Variants in ARHGAP42 observed in about 807,000 individuals in gnomAD.
ARHGAP42 encodes rho GTPase-activating protein 42.
ARHGAP42 carries 63 observed loss-of-function variants against 125.0 expected under a neutral mutation model. The ratio of observed to expected loss-of-function variants is 0.50; its 90% CI spans 0.41 to 0.62. The LOEUF (loss-of-function observed/expected upper bound fraction) is 0.62. Among genes scored for constraint, ARHGAP42 ranks in the 20% least tolerant of loss-of-function variants. ARHGAP42 has a pLI of 0.00. For missense variants in ARHGAP42, 766 were observed against 1,024.2 expected, an observed-to-expected ratio of 0.75 and a Z score of 3.44; for synonymous variants, 339 against 351.0, an observed-to-expected ratio of 0.97 and a Z score of 0.38.
Position 100,876,993 on chromosome 11 carries a change from G to A in ARHGAP42, c.384+17368G>A, listed in dbSNP as rs1361962984. ...TCTACAATTACTGTAGAAACCCAGTGAGAAGTGAAGTGAGCTCACTGTAGA... is the reference window on the plus strand; with the variant it reads ...TCTACAATTACTGTAGAAACCCAGTAAGAAGTGAAGTGAGCTCACTGTAGA... On this transcript the variant is annotated intron_variant, in intron 4 of 23. Transcript: ENST00000298815. 2.6e-5 allele frequency among the ~76,000 whole-genome samples: 4 copies of A among 152,210 alleles called. No individual in the cohort carries two copies. The East Asian group carries it at 7.7e-4, about 29-fold the overall frequency.
At chr11:100,819,187 G>A (rs759910710) in intron 3 of ARHGAP42, among the ~76,000 whole-genome samples, 2 of 152,096 alleles carry the variant, frequency 1.3e-5, no homozygotes, top group African/African-American at 2.4e-5. Context: ...TATACAGAAC[G>A]GATCAGTTTT....
At chr11:100,745,483 G>A (rs371548096) in intron 1 of ARHGAP42, among the ~76,000 whole-genome samples, 10 of 152,130 alleles carry the variant, frequency 6.6e-5, no homozygotes, top group East Asian at 3.9e-4. Flanking sequence ...CACCTATTAC[G>A]GCTGTGAGGG....
chr11:100,814,644 T>C (rs1468957080), intron 3 of ARHGAP42, among the ~76,000 whole-genome samples: 2 of 152,092 alleles, frequency 1.3e-5, no homozygotes, highest in Non-Finnish European at 2.9e-5. Context: ...AGTAGGAACA[T>C]CTTACATGGC....
At chr11:100,729,434 T>C (rs1861917389) in intron 1 of ARHGAP42, among the ~76,000 whole-genome samples, 1 of 152,156 alleles carries the variant, frequency 6.6e-6, no homozygotes, top group Non-Finnish European at 1.5e-5. Flanking sequence ...GAGATTATGC[T>C]TCTGTTGTGA....
intron 4 of ARHGAP42, among the ~76,000 whole-genome samples, chr11:100,891,571 T>A (rs1023838601): frequency 4.6e-5 from 7 of 151,656 alleles, no homozygotes; most frequent in Admixed American, 2.0e-4. Flanking sequence ...GCCTCCTGAG[T>A]AGCTGGGATT....
At chr11:100,718,123 A>T (rs1246171905) in intron 1 of ARHGAP42, among the ~76,000 whole-genome samples, 1 of 152,200 alleles carries the variant, frequency 6.6e-6, no homozygotes, top group Admixed American at 6.5e-5. Context: ...TGTCTCTAGC[A>T]TGTATATAGT....
At chr11:100,696,598 A>G (rs763682231) in intron 1 of ARHGAP42, among the ~76,000 whole-genome samples, 1 of 151,696 alleles carries the variant, frequency 6.6e-6, no homozygotes, top group East Asian at 1.9e-4. Flanking sequence ...CATATGATCC[A>G]CCCGCCTCAG....
intron 10 of ARHGAP42, among the ~76,000 whole-genome samples, chr11:100,946,762 T>C (rs7948387): frequency 0.027 from 4,033 of 152,084 alleles, 168 homozygotes; most frequent in African/African-American, 0.091. Context: ...ATGATAGATA[T>C]AATAACAATG....
rs559637334 is a variant in ARHGAP42 at position 100,949,384 on chromosome 11, A to AT, written c.1123-526dup. On this transcript the variant is annotated intron_variant, in intron 11 of 23. Transcript: ENST00000298815. ...ATTTAAAAATTGGAACTCTGCATTG[A>AT]TTTTTTTGTTATTTTCTATTTCAAT... Among the ~76,000 whole-genome samples the AT allele has an allele frequency of 6.6e-4, 101 of 152,186 alleles. 2 individuals carry two copies. The South Asian group carries it at 0.019, about 28-fold the overall frequency.
chr11:100,755,265 T>A (rs1190100108), intron 1 of ARHGAP42, among the ~76,000 whole-genome samples: 1 of 152,240 alleles, frequency 6.6e-6, no homozygotes, highest in East Asian at 1.9e-4. Context: ...TAGCAACTGG[T>A]TCCCAAACTT....
intron 4 of ARHGAP42, among the ~76,000 whole-genome samples, chr11:100,907,596 C>T (rs776558330): frequency 6.6e-6 from 1 of 152,144 alleles, no homozygotes; most frequent in Non-Finnish European, 1.5e-5. Context: ...GCTGTGCAAG[C>T]CACACCAATA....
intron 1 of ARHGAP42, among the ~76,000 whole-genome samples, chr11:100,720,612 C>A (rs1009160465): frequency 3.3e-5 from 5 of 151,700 alleles, no homozygotes. Flanking sequence ...AACACCACAA[C>A]AAAAAACCCC....
intron 1 of ARHGAP42, among the ~76,000 whole-genome samples, chr11:100,744,968 C>T (rs1458184597): frequency 1.3e-5 from 2 of 152,076 alleles, no homozygotes; most frequent in Non-Finnish European, 2.9e-5. Flanking sequence ...GTGTCGTTCC[C>T]CTATTGGCTA....
chr11:100,952,592 G>C (rs1376671430), intron 12 of ARHGAP42, among the ~76,000 whole-genome samples: 1 of 152,062 alleles, frequency 6.6e-6, no homozygotes, highest in African/African-American at 2.4e-5. Flanking sequence ...TCACTACCCT[G>C]TTGAAAAGTC....
chr11:100,985,154 A>G (rs1009764569), intron 22 of ARHGAP42, among the ~76,000 whole-genome samples: 4 of 152,224 alleles, frequency 2.6e-5, no homozygotes, highest in African/African-American at 9.6e-5. Context: ...GAGAACATAT[A>G]TGTCTAAAAT....
chr11:100,854,087 A>C (rs182851163), intron 3 of ARHGAP42, among the ~76,000 whole-genome samples: 278 of 152,262 alleles, frequency 1.8e-3, no homozygotes, highest in Non-Finnish European at 3.1e-3. Flanking sequence ...TATAGAAAAG[A>C]AAACTTAGTT....
chr11:100,780,849 G>A (rs778347035), intron 2 of ARHGAP42, among the ~76,000 whole-genome samples: 11 of 152,184 alleles, frequency 7.2e-5, no homozygotes, highest in East Asian at 1.9e-4. Flanking sequence ...GTTTTGAATC[G>A]TGTAAAAACA....
At chr11:100,882,867 C>T (rs1480988966) in intron 4 of ARHGAP42, among the ~76,000 whole-genome samples, 1 of 152,106 alleles carries the variant, frequency 6.6e-6, no homozygotes, top group Non-Finnish European at 1.5e-5. Flanking sequence ...TCCATCTCCT[C>T]TAGGTTTTCT....
chr11:100,916,526 A>G (rs1267845409), intron 5 of ARHGAP42, among the ~76,000 whole-genome samples: 1 of 152,210 alleles, frequency 6.6e-6, no homozygotes, highest in Non-Finnish European at 1.5e-5. Flanking sequence ...TGTCACATGT[A>G]TTTGAAAACG....
Sources: gnomAD v4.1 joint callset for allele counts (sites outside exome capture counted in the v4.1 genomes callset) on GRCh38, gnomAD v4.1.1 for gene constraint, MANE v1.5 for transcripts, NCBI Gene and HGNC (gene_info 2026-07-23, HGNC 2026-07-21) for gene names.